The following LRMDA variants were observed in gnomAD, a reference collection of about 807,000 sequenced individuals.
The protein encoded by LRMDA is leucine-rich melanocyte differentiation-associated protein.
LRMDA carries 18 observed loss-of-function variants against 29.8 expected under a neutral mutation model. That is an observed-to-expected ratio of 0.60 (90% CI 0.42 to 0.90). The LOEUF is 0.90. Ranked by LOEUF, LRMDA falls within the 40% of genes least tolerant of loss-of-function variation. The probability of loss-of-function intolerance (pLI) is 0.00; values close to 1 mark genes in which losing one functional copy is unlikely to be tolerated. For synonymous variants in LRMDA, 125 were observed against 109.4 expected (o/e 1.14, Z -0.89); for missense variants, 273 against 273.9 (o/e 1.00, Z 0.02).
At chr10:75,796,770 G>A (rs1408967215) in intron 2 of LRMDA, among the ~76,000 whole-genome samples, 2 of 152,068 alleles carry the variant, frequency 1.3e-5, no homozygotes, top group Non-Finnish European at 2.9e-5. Context: ...ATGGGGTTTC[G>A]CCATGTTGGC....
intron 2 of LRMDA, among the ~76,000 whole-genome samples, chr10:75,474,255 C>T (rs910381714): frequency 2.6e-5 from 4 of 152,190 alleles, no homozygotes; most frequent in Admixed American, 1.3e-4. Context: ...GCTCTTTAAA[C>T]CAGCCTTGTT....
At chr10:75,616,630 G>T (rs561083512) in intron 2 of LRMDA, among the ~76,000 whole-genome samples, 5 of 152,260 alleles carry the variant, frequency 3.3e-5, no homozygotes, top group Non-Finnish European at 5.9e-5. Flanking sequence ...TCTTTACTAT[G>T]TTTGACTATT....
intron 6 of LRMDA, among the ~76,000 whole-genome samples, chr10:76,521,651 A>G (rs1241824793): frequency 2.0e-5 from 3 of 152,164 alleles, no homozygotes; most frequent in Admixed American, 6.5e-5. Flanking sequence ...CAGGCTCTTG[A>G]AATGTTTTTT....
intron 2 of LRMDA, among the ~76,000 whole-genome samples, chr10:75,995,702 A>G (rs1248301029): frequency 6.6e-6 from 1 of 152,160 alleles, no homozygotes; most frequent in Non-Finnish European, 1.5e-5. Flanking sequence ...ATTAGACATT[A>G]TTGTGAAGTT....
intron 6 of LRMDA, among the ~76,000 whole-genome samples, chr10:76,547,117 C>T (rs1190249689): frequency 2.0e-5 from 3 of 152,020 alleles, no homozygotes; most frequent in East Asian, 1.9e-4. Context: ...TTTATTTTTA[C>T]GTTTTTTACT....
At chr10:75,436,323 C>T (rs1844263537) in intron 1 of LRMDA, among the ~76,000 whole-genome samples, 1 of 152,162 alleles carries the variant, frequency 6.6e-6, no homozygotes, top group Non-Finnish European at 1.5e-5. Flanking sequence ...ATCTAAAACT[C>T]AACGTCTCTG....
chr10:75,938,775 T>C (rs1846339711), intron 2 of LRMDA, among the ~76,000 whole-genome samples: 1 of 152,182 alleles, frequency 6.6e-6, no homozygotes, highest in Non-Finnish European at 1.5e-5. Flanking sequence ...TGAAGGGCAA[T>C]AAAGCAGCAT....
intron 2 of LRMDA, among the ~76,000 whole-genome samples, chr10:75,907,713 G>A (rs941587777): frequency 2.0e-5 from 3 of 152,144 alleles, no homozygotes; most frequent in South Asian, 2.1e-4. Flanking sequence ...AAGGGAGGGC[G>A]AAATCATCAC....
intron 2 of LRMDA, among the ~76,000 whole-genome samples, chr10:75,796,074 A>G (rs997558448): frequency 6.6e-6 from 1 of 152,322 alleles, no homozygotes; most frequent in East Asian, 1.9e-4. Flanking sequence ...AAAGTCACTT[A>G]CTACTTCTAG....
At chr10:76,268,747 C>G (rs540035303) in intron 5 of LRMDA, among the ~76,000 whole-genome samples, 1 of 152,162 alleles carries the variant, frequency 6.6e-6, no homozygotes, top group South Asian at 2.1e-4. Context: ...TCTGTCCTTA[C>G]GCCCCCATTG....
At chr10:76,043,782 CA>C (rs1848381004) in intron 3 of LRMDA, among the ~76,000 whole-genome samples, 1 of 152,192 alleles carries the variant, frequency 6.6e-6, no homozygotes, top group Middle Eastern at 3.2e-3. Flanking sequence ...ACTGGCATTT[CA>C]ATCCAACTCA....
At chr10:76,208,796 C>G (rs887897398) in intron 5 of LRMDA, among the ~76,000 whole-genome samples, 1 of 152,110 alleles carries the variant, frequency 6.6e-6, no homozygotes, top group Admixed American at 6.5e-5. Flanking sequence ...GCCCTTTCAC[C>G]ACACTCTGCT....
intron 5 of LRMDA, among the ~76,000 whole-genome samples, chr10:76,324,031 G>T (rs1475335812): frequency 6.6e-6 from 1 of 152,210 alleles, no homozygotes; most frequent in Non-Finnish European, 1.5e-5. Flanking sequence ...AGTATCCAAA[G>T]AAATCTGCTC....
At chr10:76,232,833 C>T (rs1852084869) in intron 5 of LRMDA, among the ~76,000 whole-genome samples, 1 of 152,150 alleles carries the variant, frequency 6.6e-6, no homozygotes, top group African/African-American at 2.4e-5. Flanking sequence ...GGGAAAGTCC[C>T]CTGTGTGTCT....
chr10:75,613,787 C>T (rs1369216456), intron 2 of LRMDA, among the ~76,000 whole-genome samples: 2 of 152,252 alleles, frequency 1.3e-5, no homozygotes, highest in Admixed American at 6.5e-5. Flanking sequence ...CTACAGAGTA[C>T]GTGAGAAGGG....
intron 2 of LRMDA, among the ~76,000 whole-genome samples, chr10:75,764,873 G>T (rs1199498261): frequency 6.6e-6 from 1 of 151,940 alleles, no homozygotes; most frequent in African/African-American, 2.4e-5. Context: ...GAAACAATGG[G>T]ATCCTTCAAG....
intron 2 of LRMDA, among the ~76,000 whole-genome samples, chr10:75,612,898 G>A (rs1202295525): frequency 6.6e-6 from 1 of 151,952 alleles, no homozygotes; most frequent in Non-Finnish European, 1.5e-5. Flanking sequence ...AAAATGGAAG[G>A]TTGAGATTTT....
intron 6 of LRMDA, among the ~76,000 whole-genome samples, chr10:76,536,509 A>T (rs146482644): frequency 6.3e-4 from 96 of 152,240 alleles, no homozygotes; most frequent in African/African-American, 2.2e-3. Context: ...AGAGCGATTG[A>T]TCTAGAGCAT....
At chr10:76,381,575 C>T (rs16933467) in intron 6 of LRMDA, among the ~76,000 whole-genome samples, 6,982 of 152,198 alleles carry the variant, frequency 0.046, 242 homozygotes, top group African/African-American at 0.11. Flanking sequence ...ACTAACTACC[C>T]TCTCCTCACA....
Sources: allele counts gnomAD v4.1 joint callset (sites outside exome capture counted in the v4.1 genomes callset), GRCh38; gene constraint gnomAD v4.1.1; transcripts MANE v1.5; gene names NCBI Gene and HGNC (gene_info 2026-07-23, HGNC 2026-07-21).